Variants in SRRM4 observed in about 807,000 individuals in gnomAD.
SRRM4 encodes the protein serine/arginine repetitive matrix protein 4.
In SRRM4, 33 loss-of-function variants were observed where a neutral mutation model predicts 68.9. That is an observed-to-expected ratio of 0.48 (90% CI 0.36 to 0.64). The LOEUF is 0.64. Ranked by LOEUF, SRRM4 falls within the 30% of genes least tolerant of loss-of-function variation. SRRM4 has a pLI of 0.00. For synonymous variants in SRRM4, 318 were observed against 318.8 expected, an observed-to-expected ratio of 1.00 and a Z score of 0.03; for missense variants, 817 against 827.1, an observed-to-expected ratio of 0.99 and a Z score of 0.15.
intron 2 of SRRM4, among the ~76,000 whole-genome samples, chr12:119,112,468 T>C (rs766925016): frequency 6.6e-6 from 1 of 152,226 alleles, no homozygotes; most frequent in Non-Finnish European, 1.5e-5. Context: ...GGAATGAATA[T>C]ATGTCATTCT....
intron 9 of SRRM4, among the ~76,000 whole-genome samples, chr12:119,148,927 G>A (rs914152746): frequency 1.3e-5 from 2 of 152,190 alleles, no homozygotes; most frequent in African/African-American, 2.4e-5. Flanking sequence ...CATAGACACT[G>A]AAGGTAGGGA....
chr12:119,076,034 G>A (rs1216787005), intron 1 of SRRM4, among the ~76,000 whole-genome samples: 1 of 151,810 alleles, frequency 6.6e-6, no homozygotes, highest in Non-Finnish European at 1.5e-5. Flanking sequence ...GGTGGTGATG[G>A]TGATGATGAT....
chr12:119,100,767 G>A (rs1015827542), intron 1 of SRRM4, among the ~76,000 whole-genome samples: 2 of 152,166 alleles, frequency 1.3e-5, no homozygotes, highest in African/African-American at 2.4e-5. Context: ...AGCAGACAGG[G>A]CAGCATTCCT....
chr12:119,136,801 C>A (rs572439971), intron 8 of SRRM4, among the ~76,000 whole-genome samples: 4 of 152,056 alleles, frequency 2.6e-5, no homozygotes, highest in African/African-American at 9.6e-5. Flanking sequence ...AAAGGGTGAG[C>A]CTGAAGCTGT....
intron 1 of SRRM4, among the ~76,000 whole-genome samples, chr12:119,056,521 CA>C (rs1953777698): frequency 1.3e-5 from 2 of 152,202 alleles, no homozygotes; most frequent in South Asian, 4.1e-4. Flanking sequence ...GCAAGGCATT[CA>C]AAACCTGGTG....
At chr12:119,131,791 G>A (rs7301936) in intron 8 of SRRM4, among the ~76,000 whole-genome samples, 67,599 of 152,064 alleles carry the variant, frequency 0.44, 15,690 homozygotes, top group East Asian at 0.56. Flanking sequence ...AGAGACAGAC[G>A]AACAGGAAGA....
intron 1 of SRRM4, among the ~76,000 whole-genome samples, chr12:119,011,345 G>A (rs973895307): frequency 6.6e-6 from 1 of 152,138 alleles, no homozygotes; most frequent in African/African-American, 2.4e-5. Flanking sequence ...TCCTTGTGGG[G>A]AGCTGTCCTG....
intron 1 of SRRM4, among the ~76,000 whole-genome samples, chr12:119,017,465 G>C (rs1220367731): frequency 1.3e-5 from 2 of 152,234 alleles, no homozygotes; most frequent in African/African-American, 4.8e-5. Flanking sequence ...CTGGGCTGAA[G>C]ACTCAGCATA....
intron 6 of SRRM4, among the ~76,000 whole-genome samples, chr12:119,122,802 G>A (rs1409312972): frequency 6.6e-6 from 1 of 152,110 alleles, no homozygotes; most frequent in East Asian, 1.9e-4. Context: ...TGGTCATGGG[G>A]GTGTGAGCAC....
At chr12:119,099,280 G>A (rs1206596730) in intron 1 of SRRM4, among the ~76,000 whole-genome samples, 3 of 152,078 alleles carry the variant, frequency 2.0e-5, no homozygotes, top group Admixed American at 1.3e-4. Flanking sequence ...GATTACAGAC[G>A]TGCAACACCA....
At chr12:118,984,900 T>C (rs1035594024) in intron 1 of SRRM4, among the ~76,000 whole-genome samples, 10 of 152,204 alleles carry the variant, frequency 6.6e-5, no homozygotes, top group African/African-American at 2.2e-4. Flanking sequence ...TTACTAGCTG[T>C]GTATCCTGAA....
At chr12:119,091,157 C>T (rs1954012088) in intron 1 of SRRM4, among the ~76,000 whole-genome samples, 1 of 152,212 alleles carries the variant, frequency 6.6e-6, no homozygotes, top group African/African-American at 2.4e-5. Flanking sequence ...CCTAACTGAG[C>T]CATCCTCTCA....
At chr12:119,129,998 TGGATGGATGGATGAATGCA>T (rs1954285044) in intron 7 of SRRM4, among the ~76,000 whole-genome samples, 5 of 151,186 alleles carry the variant, frequency 3.3e-5, no homozygotes, top group Non-Finnish European at 1.5e-5. Flanking sequence ...GATGGATGGA[TGGATGGATGGATGAATGCA>T]TAGATGGTTG....
Position 119,158,188 on chromosome 12 carries a change from T to TC in SRRM4, c.*1395dup, listed in dbSNP as rs1285104585. 2 of 152,582 alleles carry TC rather than the reference T, an allele frequency of 1.3e-5. No homozygotes were observed. The highest frequency in any genetic ancestry group is 2.9e-5 in the Non-Finnish European group (2 of 68,106). The allele number at this position is 152,582 out of a possible 1,614,324, so 9.5% of individuals were successfully genotyped here. A position where few individuals can be genotyped will look rare whatever the true frequency, so the allele number is the denominator to read the frequency against. ...GATCCTTAAAATAAACTCTTGGGCA[T>TC]CCCCCTCACCAGCTGACTGGCTTTC... On this transcript the variant is annotated 3_prime_UTR_variant, in exon 13 of 13. Transcript: ENST00000267260.
intron 1 of SRRM4, among the ~76,000 whole-genome samples, chr12:119,099,565 G>A (rs1481258187): frequency 1.3e-5 from 2 of 152,190 alleles, no homozygotes; most frequent in Non-Finnish European, 2.9e-5. Flanking sequence ...AAATCTTTTG[G>A]CTGAAAACAA....
At chr12:119,091,515 C>G (rs559865564) in intron 1 of SRRM4, among the ~76,000 whole-genome samples, 2 of 152,274 alleles carry the variant, frequency 1.3e-5, no homozygotes, top group African/African-American at 4.8e-5. Context: ...GCAAGTGAGG[C>G]TGGAGACCAG....
chr12:119,134,010 A>T (rs946954172), intron 8 of SRRM4, among the ~76,000 whole-genome samples: 5 of 152,112 alleles, frequency 3.3e-5, no homozygotes, highest in African/African-American at 1.2e-4. Flanking sequence ...ATGAAGGGGG[A>T]AAATAAAGAC....
rs142094769 is a variant in SRRM4 at position 118,994,411 on chromosome 12, G to A, written c.131+12398G>A. ...TGAGGCTTCCACCACAGAGACTCCC[G>A]GCTTGCAACTTGGGCAAGATGCCAT... On this transcript the variant is annotated intron_variant, in intron 1 of 12. Coordinates refer to ENST00000267260, the MANE Select transcript of SRRM4 (RefSeq NM_194286.4). Among the ~76,000 whole-genome samples, 9 of 152,040 alleles carry A rather than the reference G, an allele frequency of 5.9e-5. 1 individual carries two copies. In the East Asian group the frequency reaches 1.2e-3, roughly 20 times the overall value.
At chr12:119,114,401 G>C (rs773173547) in intron 3 of SRRM4, 37 bp downstream of exon 3, 2 of 1,541,578 alleles carry the variant, frequency 1.3e-6, no homozygotes, top group Admixed American at 3.7e-5. Context: ...CCTGTAAGAT[G>C]CAGGCAGGGA....
Sources: gnomAD v4.1 joint callset for allele counts (sites outside exome capture counted in the v4.1 genomes callset) on GRCh38, gnomAD v4.1.1 for gene constraint, MANE v1.5 for transcripts, NCBI Gene and HGNC (gene_info 2026-07-23, HGNC 2026-07-21) for gene names.